The following LOC400499 variants were observed in gnomAD, a reference collection of about 807,000 sequenced individuals.
At chr16:11,399,375 T>A in the LOC400499 span, 1 of 724,090 alleles carries the variant, frequency 1.4e-6, no homozygotes, top group Non-Finnish European at 1.9e-6. Context: ...CCGCAAGCAC[T>A]GGAACCCAGG....
At chr16:11,399,920 G>C in the LOC400499 span, 1 of 398,004 alleles carries the variant, frequency 2.5e-6, no homozygotes, top group Non-Finnish European at 4.4e-6. Flanking sequence ...TGAGAGGCTA[G>C]GGAGGATGGA....
the LOC400499 span, chr16:11,387,124 C>G: frequency 8.1e-7 from 1 of 1,232,160 alleles, no homozygotes; most frequent in Admixed American, 4.2e-5. Flanking sequence ...CCCAGGGGCC[C>G]GCCAGCAGGC....
chr16:11,430,342 T>C, the LOC400499 span, among the ~76,000 whole-genome samples: 1 of 151,912 alleles, frequency 6.6e-6, no homozygotes, highest in African/African-American at 2.4e-5. Context: ...AAAAAAAAAT[T>C]AGCCAGGTGT....
the LOC400499 span, among the ~76,000 whole-genome samples, chr16:11,523,201 G>A: frequency 2.6e-5 from 4 of 152,300 alleles, no homozygotes; most frequent in Non-Finnish European, 1.5e-5. Flanking sequence ...ATGGCTTAAG[G>A]CATTTTACTC....
the LOC400499 span, among the ~76,000 whole-genome samples, chr16:11,485,673 C>A: frequency 5.9e-5 from 9 of 152,156 alleles, no homozygotes; most frequent in Non-Finnish European, 1.3e-4. Flanking sequence ...CATCCTTATT[C>A]CTATCCATCC....
the LOC400499 span, among the ~76,000 whole-genome samples, chr16:11,425,710 G>A: frequency 1.3e-5 from 2 of 152,070 alleles, no homozygotes; most frequent in African/African-American, 4.8e-5. Context: ...AGCTGTATAC[G>A]TTTTCCAAAA....
the LOC400499 span, chr16:11,396,291 TGCC>T: frequency 3.0e-5 from 12 of 397,176 alleles, no homozygotes; most frequent in Non-Finnish European, 4.3e-5. Context: ...GTGGAGGAGC[TGCC>T]TTGTCTTGGC....
chr16:11,393,978 T>C, the LOC400499 span, among the ~76,000 whole-genome samples: 2 of 152,152 alleles, frequency 1.3e-5, no homozygotes, highest in Admixed American at 1.3e-4. Flanking sequence ...AAAATACCCA[T>C]CTAGGAGCCC....
chr16:11,427,181 A>G, the LOC400499 span, among the ~76,000 whole-genome samples: 1 of 151,108 alleles, frequency 6.6e-6, no homozygotes, highest in Non-Finnish European at 1.5e-5. Flanking sequence ...AACAAGGAGA[A>G]ACCCCGTCTC....
the LOC400499 span, chr16:11,457,060 C>A: frequency 5.3e-6 from 8 of 1,500,372 alleles, no homozygotes; most frequent in Non-Finnish European, 7.1e-6. Context: ...CCCACCCCCC[C>A]AAGATGCCAA....
At chr16:11,428,642 T>C in the LOC400499 span, among the ~76,000 whole-genome samples, 1 of 152,156 alleles carries the variant, frequency 6.6e-6, no homozygotes, top group Non-Finnish European at 1.5e-5. Context: ...AAACCTGTTT[T>C]ATCAGCAAGG....
the LOC400499 span, chr16:11,472,408 A>G: frequency 0.38 from 58,285 of 151,780 alleles, 12,408 homozygotes; most frequent in African/African-American, 0.55. Context: ...GGCCAGGCTG[A>G]TCTTGAACTC....
the LOC400499 span, among the ~76,000 whole-genome samples, chr16:11,383,284 G>C: frequency 6.6e-6 from 1 of 152,222 alleles, no homozygotes; most frequent in South Asian, 2.1e-4. Context: ...AGCCAGGATG[G>C]TCTCGATCTC....
chr16:11,384,994 T>C, the LOC400499 span: 75 of 1,232,094 alleles, frequency 6.1e-5, no homozygotes, highest in Non-Finnish European at 7.5e-5. Context: ...CGTCCTTCCT[T>C]GTCGTGGCAG....
chr16:11,456,169 C>T, the LOC400499 span, among the ~76,000 whole-genome samples: 35 of 152,098 alleles, frequency 2.3e-4, no homozygotes, highest in African/African-American at 8.2e-4. Flanking sequence ...CTCAGCCTCC[C>T]GAGTAGCTGG....
At chr16:11,462,438 C>T in the LOC400499 span, 1 of 1,284,540 alleles carries the variant, frequency 7.8e-7, no homozygotes, top group Non-Finnish European at 9.8e-7. Flanking sequence ...CCCAATTTTT[C>T]TTTTTCCTTG....
At chr16:11,491,603 A>G in the LOC400499 span, 1 of 379,366 alleles carries the variant, frequency 2.6e-6, no homozygotes, top group Non-Finnish European at 4.7e-6. Context: ...AAAGGGGTGG[A>G]GGGAGAGGAT....
At chr16:11,405,391 G>A in the LOC400499 span, among the ~76,000 whole-genome samples, 1 of 152,170 alleles carries the variant, frequency 6.6e-6, no homozygotes, top group African/African-American at 2.4e-5. Context: ...GGGCTCCCAG[G>A]GAGATAGTCG....
the LOC400499 span, chr16:11,392,732 T>C: frequency 2.1e-6 from 2 of 975,262 alleles, no homozygotes; most frequent in Non-Finnish European, 2.4e-6. Context: ...CTTCAGGGGG[T>C]TTCCTGAGGT....
Sources: gnomAD v4.1 joint callset for allele counts (sites outside exome capture counted in the v4.1 genomes callset) on GRCh38, gnomAD v4.1.1 for gene constraint, MANE v1.5 for transcripts.